The following DPP10 variants were observed in gnomAD, a reference collection of about 807,000 sequenced individuals.
DPP10 encodes dipeptidyl peptidase like 10.
DPP10 carries 33 observed loss-of-function variants against 120.9 expected under a neutral mutation model. That is an observed-to-expected ratio of 0.27 (90% CI 0.21 to 0.37). DPP10 has a LOEUF of 0.37. Ranked by LOEUF, DPP10 falls within the 10% of genes least tolerant of loss-of-function variation. DPP10 has a pLI of 1.00. For synonymous variants in DPP10, 337 were observed against 326.1 expected (o/e 1.03, Z -0.36); for missense variants, 816 against 942.8 (o/e 0.87, Z 1.76).
At chr2:115,683,042 G>C (rs1156246689) in intron 5 of DPP10, among the ~76,000 whole-genome samples, 1 of 151,818 alleles carries the variant, frequency 6.6e-6, no homozygotes, top group Non-Finnish European at 1.5e-5. Flanking sequence ...GTGACGGTCA[G>C]TTTTGTTTTG....
At chr2:114,829,699 G>A (rs1001195439) in intron 1 of DPP10, among the ~76,000 whole-genome samples, 3 of 151,874 alleles carry the variant, frequency 2.0e-5, no homozygotes, top group Non-Finnish European at 4.4e-5. Context: ...TTAAGAGAAG[G>A]ACAGAAGTCA....
intron 1 of DPP10, among the ~76,000 whole-genome samples, chr2:115,133,145 G>GTGTGTGTATATATA (rs1338395575): frequency 3.5e-5 from 1 of 28,772 alleles, no homozygotes; most frequent in Non-Finnish European, 6.6e-5. Context: ...GTGTGTGTGT[G>GTGTGTGTATATATA]TATATATATA....
chr2:114,762,186 A>G (rs753180886), intron 1 of DPP10, among the ~76,000 whole-genome samples: 3 of 152,224 alleles, frequency 2.0e-5, no homozygotes, highest in South Asian at 2.1e-4. Context: ...ATAAATTCAT[A>G]ACAGAGATTT....
intron 2 of DPP10, among the ~76,000 whole-genome samples, chr2:115,324,455 A>G (rs2062235458): frequency 6.6e-6 from 1 of 152,102 alleles, no homozygotes; most frequent in African/African-American, 2.4e-5. Flanking sequence ...TATTATGGAA[A>G]TAGGGTCTTT....
intron 1 of DPP10, among the ~76,000 whole-genome samples, chr2:115,124,138 T>A (rs867049319): frequency 2.6e-4 from 40 of 152,158 alleles, no homozygotes; most frequent in Admixed American, 3.9e-4. Context: ...AGTGGGGCTC[T>A]TGCCATCTTG....
chr2:115,195,930 AC>A (rs1429434802), intron 1 of DPP10, among the ~76,000 whole-genome samples: 1 of 152,160 alleles, frequency 6.6e-6, no homozygotes, highest in Non-Finnish European at 1.5e-5. Flanking sequence ...TTGGTGAAAA[AC>A]TGGATTTGTC....
At chr2:115,457,330 A>C (rs2073642962) in intron 3 of DPP10, among the ~76,000 whole-genome samples, 1 of 152,094 alleles carries the variant, frequency 6.6e-6, no homozygotes. Flanking sequence ...CTACCAGATA[A>C]TCTTTTACCT....
chr2:114,750,418 C>T (rs1031577245), intron 1 of DPP10, among the ~76,000 whole-genome samples: 1 of 151,936 alleles, frequency 6.6e-6, no homozygotes, highest in African/African-American at 2.4e-5. Context: ...ACTGCAAACT[C>T]TGCCTCCCAG....
chr2:114,855,781 C>T (rs1041998652), intron 1 of DPP10, among the ~76,000 whole-genome samples: 5 of 151,996 alleles, frequency 3.3e-5, no homozygotes, highest in African/African-American at 4.8e-5. Flanking sequence ...TAGGGCTTTG[C>T]GGGGGAGGTC....
At chr2:115,085,946 A>C (rs1165177169) in intron 1 of DPP10, among the ~76,000 whole-genome samples, 1 of 152,130 alleles carries the variant, frequency 6.6e-6, no homozygotes, top group South Asian at 2.1e-4. Flanking sequence ...ACAAATTCTC[A>C]TCAGGTGGGT....
intron 17 of DPP10, among the ~76,000 whole-genome samples, chr2:115,784,108 T>C (rs986292244): frequency 1.3e-5 from 2 of 152,190 alleles, no homozygotes; most frequent in African/African-American, 4.8e-5. Context: ...TCATGTTATT[T>C]TCCTGTTCAA....
At chr2:115,503,031 A>G (rs182042518) in intron 4 of DPP10, among the ~76,000 whole-genome samples, 2 of 152,206 alleles carry the variant, frequency 1.3e-5, no homozygotes, top group East Asian at 1.9e-4. Context: ...ATGCATTAAT[A>G]TGAAAAGGAA....
In DPP10 at chr2:115,544,042, G is replaced by GA. The variant is rs548402679; in HGVS notation, c.441+18081dup. Among the ~76,000 whole-genome samples, 632 of 138,796 alleles carry GA rather than the reference G, an allele frequency of 4.6e-3. 1 individual carries two copies. Among genetic ancestry groups the GA allele is most frequent in the Non-Finnish European group, 5.2e-3 (332 of 63,374 alleles). 91.1% of individuals were successfully genotyped at this position (138,796 alleles called of 152,430 possible). On this transcript the variant is annotated intron_variant, in intron 5 of 25. Transcript: ENST00000410059. ...TGTACAGGTAAGGAAAATAATTAAAGAAAAAAAAAAACAATCCTGAAGAAA... is the reference window on the plus strand; with the variant it reads ...TGTACAGGTAAGGAAAATAATTAAAGAAAAAAAAAAAACAATCCTGAAGAAA...
chr2:114,655,969 G>A (rs765735924), intron 1 of DPP10, among the ~76,000 whole-genome samples: 4 of 152,134 alleles, frequency 2.6e-5, no homozygotes, highest in Non-Finnish European at 4.4e-5. Flanking sequence ...AAATTTAGCA[G>A]TCCTAACTAT....
At chr2:114,992,064 T>C (rs551786466) in intron 1 of DPP10, among the ~76,000 whole-genome samples, 27 of 152,364 alleles carry the variant, frequency 1.8e-4, no homozygotes, top group Admixed American at 1.3e-4. Context: ...CATCCATTCC[T>C]TTTTACATAA....
At chr2:115,161,915 A>C in intron 1 of DPP10, 1 of 1,435,148 alleles carries the variant, frequency 7.0e-7, no homozygotes, top group South Asian at 1.4e-5. Context: ...CCCGAGTCTG[A>C]AGCGCCCGCG....
At chr2:115,572,280 T>G (rs1297689934) in intron 5 of DPP10, among the ~76,000 whole-genome samples, 1 of 152,126 alleles carries the variant, frequency 6.6e-6, no homozygotes, top group Non-Finnish European at 1.5e-5. Flanking sequence ...GCCTTTTAAA[T>G]AGCTTCATTT....
At chr2:114,969,276 C>T (rs1699239862) in intron 1 of DPP10, among the ~76,000 whole-genome samples, 1 of 152,128 alleles carries the variant, frequency 6.6e-6, no homozygotes, top group African/African-American at 2.4e-5. Flanking sequence ...ACATAATACT[C>T]TAAAGTATTA....
At chr2:114,643,863 GTGTT>G (rs1025584701) in intron 1 of DPP10, among the ~76,000 whole-genome samples, 3 of 150,268 alleles carry the variant, frequency 2.0e-5, no homozygotes, top group Non-Finnish European at 2.9e-5. Flanking sequence ...TGATTAGTGT[GTGTT>G]TGTGTGTGTG....
Sources: gnomAD v4.1 joint callset for allele counts (sites outside exome capture counted in the v4.1 genomes callset) on GRCh38, gnomAD v4.1.1 for gene constraint, MANE v1.5 for transcripts, NCBI Gene and HGNC (gene_info 2026-07-23, HGNC 2026-07-21) for gene names.